Variants in VTI1B observed in about 807,000 individuals in gnomAD.
The protein encoded by VTI1B is vesicle transport through interaction with t-SNAREs homolog 1B.
A neutral mutation model predicts 28.6 loss-of-function variants in VTI1B; 18 were observed. The ratio of observed to expected loss-of-function variants is 0.63; its 90% CI spans 0.43 to 0.93. VTI1B has a LOEUF of 0.93. Among genes scored for constraint, VTI1B ranks in the 40% least tolerant of loss-of-function variants. The pLI is 0.00. For missense variants in VTI1B, 283 were observed against 297.0 expected (o/e 0.95, Z 0.35); for synonymous variants, 100 against 107.9 (o/e 0.93, Z 0.46).
At position 67,674,442 on chromosome 14, in the gene VTI1B, C is replaced by A; in HGVS notation, c.48G>T (p.Glu16Asp). Reference protein sequence around the residue: ...ASSEHFEKLHEIFRGLHEDLQ... With the variant: ...ASSEHFEKLHDIFRGLHEDLQ... ...GGTCTTCATGGAGGCCGCGGAAGAT[C>A]TCGTGCAGCTTCTCGAAATGCTCCG... is the stretch of plus-strand genomic sequence containing the variant. Residue 16 changes from glutamate (E) to aspartate (D), a missense_variant, in exon 1 of 6, where the codon GAG becomes GAT. Coordinates refer to ENST00000554659, the MANE Select transcript of VTI1B (RefSeq NM_006370.3). The A allele has an allele frequency of 6.2e-7, 1 of 1,609,568 alleles. No homozygotes were observed.
At chr14:67,656,294 C>A in intron 4 of VTI1B, 122 bp downstream of exon 4, 4 of 914,692 alleles carry the variant, frequency 4.4e-6, no homozygotes, top group Non-Finnish European at 4.5e-6. Context: ...AGCATAAGAA[C>A]TTAAAAAAGA....
intron 1 of VTI1B, 30 bp downstream of exon 1, chr14:67,674,345 T>TC: frequency 6.4e-7 from 1 of 1,551,878 alleles, no homozygotes; most frequent in Admixed American, 2.0e-5. Flanking sequence ...AGGGCTGCGC[T>TC]CCCCACGGCG....
chr14:67,668,257 A>G (rs146469758), intron 1 of VTI1B, among the ~76,000 whole-genome samples: 1,556 of 152,348 alleles, frequency 0.01, 7 homozygotes, highest in Middle Eastern at 0.017. Context: ...AGCACATTAT[A>G]GTACTCTGAG....
rs1254685783 is a variant in VTI1B, at chr14:67,647,855, T to C, written c.*3530A>G. The stretch of plus-strand genomic sequence containing the variant: ...AATGGCAGTATCATGAAGTGGTATG[T>C]AGGAAGTTAATATTGCCAATCTCAG... On this transcript the variant is annotated 3_prime_UTR_variant, in exon 6 of 6. Transcript: ENST00000554659. 3.3e-6 allele frequency: 2 copies of C among 602,800 alleles called. No individual in the cohort carries two copies. Among genetic ancestry groups the C allele is most frequent in the East Asian group, 2.8e-5 (1 of 35,584 alleles). 37.3% of individuals were successfully genotyped at this position (602,800 alleles called of 1,614,324 possible).
intron 2 of VTI1B, among the ~76,000 whole-genome samples, chr14:67,662,179 C>CAA (rs112653537): frequency 2.9e-4 from 41 of 141,738 alleles, no homozygotes; most frequent in African/African-American, 8.8e-4. Flanking sequence ...ACAACAACAA[C>CAA]AAAAAAAAAA....
Position 67,674,445 on chromosome 14 carries a change from G to A in VTI1B, c.45C>T (p.His15=). ...AASSEHFEKL[H]EIFRGLHEDL... ...CTTCATGGAGGCCGCGGAAGATCTCGTGCAGCTTCTCGAAATGCTCCGAGG... is the reference window on the plus strand; with the variant it reads ...CTTCATGGAGGCCGCGGAAGATCTCATGCAGCTTCTCGAAATGCTCCGAGG... Residue 15 remains histidine, a synonymous_variant, in exon 1 of 6, where the codon CAC becomes CAT. Transcript: ENST00000554659. The A allele has an allele frequency of 1.2e-6, 2 of 1,609,396 alleles. No homozygotes were observed.
At chr14:67,671,944 T>C (rs915264902) in intron 1 of VTI1B, among the ~76,000 whole-genome samples, 5 of 152,250 alleles carry the variant, frequency 3.3e-5, no homozygotes, top group African/African-American at 1.2e-4. Flanking sequence ...GTCCCACCTC[T>C]TAATGCGATT....
intron 1 of VTI1B, among the ~76,000 whole-genome samples, chr14:67,672,292 T>C (rs1329744391): frequency 6.6e-6 from 1 of 151,562 alleles, no homozygotes; most frequent in Non-Finnish European, 1.5e-5. Context: ...CTAATTTTTT[T>C]ATTTTTTGTA....
chr14:67,662,678 G>T, intron 1 of VTI1B, 143 bp from the exon 2 acceptor site: 1 of 756,446 alleles, frequency 1.3e-6, no homozygotes, highest in Non-Finnish European at 2.0e-6. Context: ...GGCCAAGGCA[G>T]GTGGATCACA....
At chr14:67,660,831 G>C (rs1488440091) in intron 2 of VTI1B, among the ~76,000 whole-genome samples, 1 of 152,146 alleles carries the variant, frequency 6.6e-6, no homozygotes, top group African/African-American at 2.4e-5. Context: ...ATCAGTAGCA[G>C]CTAGAAGATT....
At position 67,647,649 on chromosome 14, in the gene VTI1B, T is replaced by A. The variant is rs955894447; in HGVS notation, c.*3736A>T. The A allele has an allele frequency of 5.6e-5, 9 of 159,596 alleles. No homozygotes were observed. Among genetic ancestry groups the A allele is most frequent in the African/African-American group, 2.2e-4 (9 of 41,620 alleles). 9.9% of individuals were successfully genotyped at this position (159,596 alleles called of 1,614,324 possible). On this transcript the variant is annotated 3_prime_UTR_variant, in exon 6 of 6. Coordinates refer to ENST00000554659, the MANE Select transcript of VTI1B (RefSeq NM_006370.3). ...AGAATAAGAGCAACCATAACTTACA[T>A]CAAGCCAATTTAAATTAGACTAATT...
At position 67,650,760 on chromosome 14, in the gene VTI1B, C is replaced by A; in HGVS notation, c.*625G>T. On this transcript the variant is annotated 3_prime_UTR_variant, in exon 6 of 6. Transcript: ENST00000554659. The stretch of plus-strand genomic sequence containing the variant: ...CTTGTTGAAGTCAATCCTCAGTTGG[C>A]CACCTCAGAGGAAGAGGCGAAGACT... 1 of 1,614,112 alleles carries A rather than the reference C, an allele frequency of 6.2e-7. No homozygotes were observed. Among genetic ancestry groups the A allele is most frequent in the South Asian group, 1.1e-5 (1 of 91,088 alleles).
intron 2 of VTI1B, among the ~76,000 whole-genome samples, chr14:67,660,397 C>G (rs1424934212): frequency 6.6e-6 from 1 of 152,010 alleles, no homozygotes; most frequent in Non-Finnish European, 1.5e-5. Context: ...ATAGCAAGAC[C>G]TCATCTCTAT....
At chr14:67,673,534 T>G (rs2037495805) in intron 1 of VTI1B, among the ~76,000 whole-genome samples, 1 of 152,180 alleles carries the variant, frequency 6.6e-6, no homozygotes, top group South Asian at 2.1e-4. Context: ...CCTAGAACGG[T>G]GCCTCACAAT....
Position 67,674,362 on chromosome 14 carries a change from A to G in VTI1B, c.115+13T>C, listed in dbSNP as rs966337820. 1.9e-6 allele frequency: 3 copies of G among 1,571,524 alleles called. No individual in the cohort carries two copies. The highest frequency in any genetic ancestry group is 1.8e-5 in the Admixed American group (1 of 54,092). On this transcript the variant is annotated intron_variant, in intron 1 of 5. Coordinates refer to ENST00000554659, the MANE Select transcript of VTI1B (RefSeq NM_006370.3). ...GGCTGCGCTCCCCACGGCGTGGCCC[A>G]CCCCCGCCTCACCGGTCCCCGCCGT...
intron 1 of VTI1B, chr14:67,663,322 T>G: frequency 1.6e-6 from 1 of 623,106 alleles, no homozygotes; most frequent in Non-Finnish European, 2.7e-6. Flanking sequence ...GTTTCATTTT[T>G]AAATAACATT....
At chr14:67,671,439 T>A (rs1353563265) in intron 1 of VTI1B, among the ~76,000 whole-genome samples, 2 of 151,936 alleles carry the variant, frequency 1.3e-5, no homozygotes, top group Admixed American at 1.3e-4. Context: ...GGCATGAGAA[T>A]CACTTGAACC....
intron 1 of VTI1B, among the ~76,000 whole-genome samples, chr14:67,664,111 G>C (rs1185371745): frequency 6.6e-6 from 1 of 152,192 alleles, no homozygotes; most frequent in Non-Finnish European, 1.5e-5. Context: ...TCAAGACAGA[G>C]TCTCACTGGT....
In VTI1B at chr14:67,651,063, C is replaced by T; in HGVS notation, c.*322G>A. The T allele has an allele frequency of 9.2e-7, 1 of 1,082,730 alleles. No individual in the cohort carries two copies. 67.1% of individuals were successfully genotyped at this position (1,082,730 alleles called of 1,614,324 possible). On this transcript the variant is annotated 3_prime_UTR_variant, in exon 6 of 6. Transcript: ENST00000554659. ...ACATTCTCACAATTGTAAAGTTTCC[C>T]CTCTATTTTGGTGACCAATACTACT...
Sources: allele counts gnomAD v4.1 joint callset (sites outside exome capture counted in the v4.1 genomes callset), GRCh38; gene constraint gnomAD v4.1.1; transcripts MANE v1.5; gene names NCBI Gene and HGNC (gene_info 2026-07-23, HGNC 2026-07-21).